CFAP43: variants seen among roughly 807,000 people sequenced by gnomAD.
CFAP43 encodes cilia and flagella associated protein 43, also known as cilia- and flagella-associated protein 43.
A neutral mutation model predicts 218.9 loss-of-function variants in CFAP43; 155 were observed. That is an observed-to-expected ratio of 0.71 (90% CI 0.62 to 0.81). The LOEUF (loss-of-function observed/expected upper bound fraction) is 0.81, where lower values mean the gene tolerates loss of function less well. Among genes scored for constraint, CFAP43 ranks in the 30% least tolerant of loss-of-function variants. The pLI is 0.00. For missense variants in CFAP43, 1,778 were observed against 1,954.3 expected (o/e 0.91, Z 1.70); for synonymous variants, 645 against 681.3 (o/e 0.95, Z 0.83).
At chr10:104,139,518 T>C (rs2087607948) in intron 34 of CFAP43, among the ~76,000 whole-genome samples, 6 of 151,948 alleles carry the variant, frequency 3.9e-5, no homozygotes, top group Admixed American at 3.9e-4. Context: ...ATAAAAAATA[T>C]AGCAGAAACC....
chr10:104,150,384 G>A (rs1167620381), intron 28 of CFAP43, among the ~76,000 whole-genome samples: 1 of 152,126 alleles, frequency 6.6e-6, no homozygotes, highest in Non-Finnish European at 1.5e-5. Context: ...GGTCTTGCTG[G>A]TTCTGGGAAC....
chr10:104,196,452 C>T (rs570047168), intron 10 of CFAP43, among the ~76,000 whole-genome samples: 2 of 152,296 alleles, frequency 1.3e-5, no homozygotes, highest in East Asian at 1.9e-4. Flanking sequence ...CTCCAAAAGA[C>T]CTTTCAGCAC....
intron 3 of CFAP43, among the ~76,000 whole-genome samples, chr10:104,219,278 T>G (rs541296437): frequency 6.6e-6 from 1 of 152,262 alleles, no homozygotes; most frequent in East Asian, 1.9e-4. Context: ...AGTCTCATGA[T>G]GCTACCTCCT....
chr10:104,175,678 A>G (rs796953749), intron 19 of CFAP43, among the ~76,000 whole-genome samples: 2 of 152,304 alleles, frequency 1.3e-5, no homozygotes, highest in African/African-American at 4.8e-5. Flanking sequence ...GCTGCTGCCC[A>G]ACATTGTGAG....
intron 8 of CFAP43, among the ~76,000 whole-genome samples, chr10:104,199,491 A>G (rs1483300885): frequency 6.6e-6 from 1 of 152,258 alleles, no homozygotes; most frequent in Non-Finnish European, 1.5e-5. Flanking sequence ...GTTACAGCAG[A>G]GGATAAAACA....
At chr10:104,210,853 T>G (rs1161133358) in intron 5 of CFAP43, among the ~76,000 whole-genome samples, 4 of 134,162 alleles carry the variant, frequency 3.0e-5, no homozygotes, top group African/African-American at 1.1e-4. Context: ...TGCAGTGGCG[T>G]GATCTCGACT....
intron 10 of CFAP43, among the ~76,000 whole-genome samples, chr10:104,194,892 G>T (rs614406): frequency 6.6e-6 from 1 of 152,012 alleles, no homozygotes; most frequent in Non-Finnish European, 1.5e-5. Flanking sequence ...AGATGAAGCA[G>T]CCAGGTGTCC....
chr10:104,194,138 G>C (rs1349434406), intron 10 of CFAP43, 124 bp from the exon 11 acceptor site: 23 of 1,153,636 alleles, frequency 2.0e-5, no homozygotes, highest in Non-Finnish European at 2.7e-5. Flanking sequence ...TTGTGTGGTG[G>C]GGTCTTTCAA....
At chr10:104,160,172 G>A (rs2088798807) in intron 27 of CFAP43, among the ~76,000 whole-genome samples, 1 of 152,182 alleles carries the variant, frequency 6.6e-6, no homozygotes, top group Non-Finnish European at 1.5e-5. Flanking sequence ...ACACAAAACT[G>A]TGGAGTAAAT....
In CFAP43 at chr10:104,207,714, G is replaced by T; in HGVS notation, c.846C>A (p.Asp282Glu). 1.2e-6 allele frequency: 2 copies of T among 1,614,134 alleles called. No individual in the cohort carries two copies. The highest frequency in any genetic ancestry group is 1.7e-6 in the Non-Finnish European group (2 of 1,180,006). ...EEGHLLMING[D>E]TLQVTVLNKI... ...TATTAAGTACAGTCACTTGCAAGGT[G>T]TCTCCATTAATCATTAAAAGATGAC... The change falls in exon 6 of 38, where the codon GAC becomes GAA. Residue 282 changes from aspartate to glutamate, a missense_variant. Asp to Glu is a conservative substitution (Grantham distance 45, BLOSUM62 2). Around this residue, in one of 3 missense-constraint regions of CFAP43, gnomAD observed 1,553 missense variants for 1,685.2 expected, o/e 0.92. Transcript: ENST00000357060.
chr10:104,226,578 A>AG (rs1246847430), intron 2 of CFAP43, among the ~76,000 whole-genome samples: 2 of 151,968 alleles, frequency 1.3e-5, no homozygotes, highest in African/African-American at 4.8e-5. Flanking sequence ...AAAAAAAGAG[A>AG]GAAAAATATA....
intron 18 of CFAP43, 148 bp from the exon 19 acceptor site, chr10:104,179,254 T>C (rs1352785531): frequency 3.5e-6 from 2 of 570,068 alleles, no homozygotes; most frequent in Non-Finnish European, 6.0e-6. Context: ...ACCACTGCAG[T>C]ACCTTGCTTA....
At chr10:104,160,997 C>A (rs1300495241) in intron 27 of CFAP43, 40 bp downstream of exon 27, 1 of 1,555,604 alleles carries the variant, frequency 6.4e-7, no homozygotes, top group Non-Finnish European at 8.8e-7. Context: ...AAACAGCACT[C>A]TGGATATGGT....
intron 27 of CFAP43, 128 bp downstream of exon 27, chr10:104,160,909 C>G (rs2088834629): frequency 2.1e-6 from 2 of 937,556 alleles, no homozygotes; most frequent in Non-Finnish European, 2.9e-6. Flanking sequence ...TCCAAATTCT[C>G]TTGAGAATTT....
chr10:104,193,436 A>G (rs2090289175), intron 11 of CFAP43: 1 of 153,534 alleles, frequency 6.5e-6, no homozygotes. Context: ...GCCATTCACT[A>G]TCTGTGTACT....
At chr10:104,162,462 C>T in intron 24 of CFAP43, 59 bp from the exon 25 acceptor site, 2 of 1,428,930 alleles carry the variant, frequency 1.4e-6, no homozygotes, top group Non-Finnish European at 2.0e-6. Context: ...CTAAACTTTC[C>T]TTCCACATAC....
At chr10:104,146,136 C>T in intron 30 of CFAP43, 127 bp downstream of exon 30, 2 of 663,646 alleles carry the variant, frequency 3.0e-6, no homozygotes, top group Non-Finnish European at 5.1e-6. Context: ...TGAAGTTCAC[C>T]CATAGCTGAG....
chr10:104,207,519 TG>T, intron 6 of CFAP43, 145 bp downstream of exon 6: 1 of 687,512 alleles, frequency 1.5e-6, no homozygotes, highest in Non-Finnish European at 2.4e-6. Flanking sequence ...TATAAAGTGA[TG>T]GTAGAATGCC....
At chr10:104,194,066 A>AGCCCCC in intron 10 of CFAP43, 52 bp from the exon 11 acceptor site, 1 of 1,595,786 alleles carries the variant, frequency 6.3e-7, no homozygotes, top group Non-Finnish European at 8.5e-7. Flanking sequence ...GCTCTCCTAC[A>AGCCCCC]CGTAAGAATG....
Sources: allele counts gnomAD v4.1 joint callset (sites outside exome capture counted in the v4.1 genomes callset), GRCh38; gene constraint gnomAD v4.1.1; regional missense constraint gnomAD v4.1.1; transcripts MANE v1.5; gene names NCBI Gene and HGNC (gene_info 2026-07-23, HGNC 2026-07-21).